The following CCT5 variants were observed in gnomAD, a reference collection of about 807,000 sequenced individuals.
CCT5 encodes the protein T-complex protein 1 subunit epsilon.
CCT5 carries 6 observed loss-of-function variants against 55.0 expected under a neutral mutation model. The observed-to-expected ratio is 0.11, with a 90% confidence interval of 0.06 to 0.22. The LOEUF is 0.22. CCT5 is among the 10% of genes least tolerant of loss of function. The pLI, the probability that CCT5 is intolerant of heterozygous loss-of-function variation, is 1.00. For synonymous variants in CCT5, 231 were observed against 243.7 expected (o/e 0.95, Z 0.49); for missense variants, 560 against 694.6 (o/e 0.81, Z 2.18).
chr5:10,250,271 A>G (rs888626161), upstream of CCT5: 8 of 1,609,350 alleles, frequency 5.0e-6, no homozygotes, highest in Middle Eastern at 1.6e-4. Context: ...CCTCCCGAGA[A>G]AGGGAAGTGC....
At chr5:10,250,725 C>A (rs915574669) in intron 1 of CCT5, 2 of 1,273,618 alleles carry the variant, frequency 1.6e-6, no homozygotes, top group African/African-American at 3.1e-5. Context: ...GGGAGCAAAG[C>A]GGGACCGCCT....
chr5:10,250,987 C>T (rs1246395571), intron 1 of CCT5: 7 of 504,224 alleles, frequency 1.4e-5, no homozygotes, highest in Non-Finnish European at 1.8e-5. Context: ...CGCACATAAC[C>T]GTAATACAAG....
At chr5:10,261,239 A>G (rs1420763059) in intron 7 of CCT5, 3 of 492,320 alleles carry the variant, frequency 6.1e-6, no homozygotes, top group South Asian at 4.1e-5. Context: ...TTCTCACTGC[A>G]GCGCAGTGCA....
At chr5:10,263,377 T>G in intron 10 of CCT5, 63 bp downstream of exon 10, 4 of 1,428,216 alleles carry the variant, frequency 2.8e-6, no homozygotes, top group African/African-American at 1.4e-5. Flanking sequence ...TGAATAATCA[T>G]CCACTGTATG....
At chr5:10,250,994 C>G in intron 1 of CCT5, 1 of 453,924 alleles carries the variant, frequency 2.2e-6, no homozygotes, top group Non-Finnish European at 2.9e-6. Flanking sequence ...AACCGTAATA[C>G]AAGGTGGTGT....
Position 10,256,125 on chromosome 5 carries a change from A to G in CCT5, c.502A>G (p.Thr168Ala). ...DIKDTEPLIQ[T>A]AKTTLGSKVV... is the part of the protein sequence containing the mutation. ...AAAGGACACCGAACCCCTGATTCAG[A>G]CAGCAAAAACCACGCTGGGCTCCAA... The change falls in exon 4 of 11, where the codon ACA (threonine) becomes GCA (alanine). Residue 168 changes from threonine to alanine, a missense_variant. By Grantham distance (58) the Thr-to-Ala change is moderately conservative. Transcript: ENST00000280326. 6.2e-7 allele frequency: 1 copy of G among 1,613,780 alleles called. No homozygotes were observed.
At chr5:10,258,833 AAC>A (rs1359863908) in intron 6 of CCT5, among the ~76,000 whole-genome samples, 4 of 152,308 alleles carry the variant, frequency 2.6e-5, no homozygotes, top group Middle Eastern at 3.4e-3. Flanking sequence ...TTCTACTAAA[AAC>A]ACAAAAAATT....
At chr5:10,259,310 G>C (rs573770616) in intron 6 of CCT5, among the ~76,000 whole-genome samples, 2 of 152,336 alleles carry the variant, frequency 1.3e-5, no homozygotes, top group African/African-American at 4.8e-5. Context: ...GAAAACACCA[G>C]TACTCAAGAA....
At chr5:10,250,161 A>G, upstream of CCT5, 1 of 1,537,754 alleles carries the variant, frequency 6.5e-7, no homozygotes, top group Non-Finnish European at 8.7e-7. Flanking sequence ...GAAGTTCCCG[A>G]AGGCCGCCGA....
Position 10,265,638 on chromosome 5 carries a change from G to A in CCT5, c.*855G>A, listed in dbSNP as rs1243673459. The A allele has an allele frequency of 6.6e-6, 1 of 152,080 alleles. No homozygotes were observed. Among genetic ancestry groups the A allele is most frequent in the African/African-American group, 2.4e-5 (1 of 41,406 alleles). The allele number at this position is 152,080 out of a possible 1,614,324, so 9.4% of individuals were successfully genotyped here. ...GGATTGTCTGTTCTGACAACCCAGT[G>A]AGGCAGATACACTTTCTTACTGCTC... is the stretch of plus-strand genomic sequence containing the variant. On this transcript the variant is annotated 3_prime_UTR_variant, in exon 11 of 11. Transcript: ENST00000280326.
intron 1 of CCT5, among the ~76,000 whole-genome samples, chr5:10,251,908 C>T (rs1745441995): frequency 6.6e-6 from 1 of 152,204 alleles, no homozygotes. Context: ...GTTCAAACTG[C>T]ATGCATTTGT....
chr5:10,259,876 C>T (rs1468055219), intron 6 of CCT5, among the ~76,000 whole-genome samples: 1 of 152,078 alleles, frequency 6.6e-6, no homozygotes. Flanking sequence ...AAGGGAATGA[C>T]GATGGGGCTA....
intron 4 of CCT5, among the ~76,000 whole-genome samples, chr5:10,257,711 C>T (rs6864766): frequency 0.74 from 112,328 of 152,104 alleles, 43,687 homozygotes; most frequent in East Asian, 0.87. Flanking sequence ...AAGAGTGACT[C>T]TTCCTGAGTG....
At chr5:10,261,823 C>T (rs1325828203) in intron 8 of CCT5, 78 bp downstream of exon 8, 2 of 1,066,024 alleles carry the variant, frequency 1.9e-6, no homozygotes, top group Non-Finnish European at 2.9e-6. Context: ...GTGTATTTAA[C>T]AGAGACACAG....
intron 3 of CCT5, 104 bp from the exon 4 acceptor site, chr5:10,255,851 C>A: frequency 2.0e-6 from 2 of 995,922 alleles, no homozygotes; most frequent in Non-Finnish European, 3.1e-6. Flanking sequence ...CAGCTTAATT[C>A]TAGAAGCTGC....
At chr5:10,256,233 G>A in intron 4 of CCT5, 80 bp downstream of exon 4, 1 of 1,170,440 alleles carries the variant, frequency 8.5e-7, no homozygotes, top group African/African-American at 1.5e-5. Flanking sequence ...AACACAAAAT[G>A]ACCACTGGTG....
At position 10,254,899 on chromosome 5, in the gene CCT5, A is replaced by G. The variant is rs538491501; in HGVS notation, c.331+61A>G. 9.3e-4 allele frequency: 1,297 copies of G among 1,397,258 alleles called. 8 individuals are homozygous for G. Among genetic ancestry groups the G allele is most frequent in the Middle Eastern group, 4.6e-3 (26 of 5,622 alleles). 86.6% of individuals were successfully genotyped at this position (1,397,258 alleles called of 1,614,324 possible). A position where few individuals can be genotyped will look rare whatever the true frequency, so the allele number is the denominator to read the frequency against. On this transcript the variant is annotated intron_variant, in intron 3 of 10. Coordinates refer to ENST00000280326, the MANE Select transcript of CCT5 (RefSeq NM_012073.5). ...GACGTCATTTAAGACCACAGGGCTA[A>G]CATGCCTGCTGAGATTGTTGTCTCT...
At position 10,258,270 on chromosome 5, in the gene CCT5, G is replaced by A. The variant is rs1461174298; in HGVS notation, c.690G>A (p.Val230=). 4 of 1,614,084 alleles carry A rather than the reference G, an allele frequency of 2.5e-6. 1 individual carries two copies. Among genetic ancestry groups the A allele is most frequent in the Admixed American group, 3.3e-5 (2 of 60,010 alleles). The change falls in exon 5 of 11, where the codon GTG becomes GTA. Residue 230 remains valine (V), a synonymous_variant. Transcript: ENST00000280326. ...CTAAACTGATTAAGGGCGTGATTGTGGACAAGGATTTCAGTCACCCACAGA... is the reference window on the plus strand; with the variant it reads ...CTAAACTGATTAAGGGCGTGATTGTAGACAAGGATTTCAGTCACCCACAGA... ...EDTKLIKGVI[V]DKDFSHPQMP...
At chr5:10,263,385 ATGTG>A in intron 10 of CCT5, 71 bp downstream of exon 10, 1 of 1,359,430 alleles carries the variant, frequency 7.4e-7, no homozygotes, top group Non-Finnish European at 1.0e-6. Flanking sequence ...CATCCACTGT[ATGTG>A]CTGTGAGATG....
Sources: gnomAD v4.1 joint callset for allele counts (sites outside exome capture counted in the v4.1 genomes callset) on GRCh38, gnomAD v4.1.1 for gene constraint, MANE v1.5 for transcripts, NCBI Gene and HGNC (gene_info 2026-07-23, HGNC 2026-07-21) for gene names.